The following ACSL1 variants were observed in gnomAD, a reference collection of about 807,000 sequenced individuals.
ACSL1 encodes the protein long-chain-fatty-acid--CoA ligase 1.
ACSL1 carries 41 observed loss-of-function variants against 98.4 expected under a neutral mutation model. That is an observed-to-expected ratio of 0.42 (90% CI 0.32 to 0.54). The LOEUF (loss-of-function observed/expected upper bound fraction) is 0.54. Among genes scored for constraint, ACSL1 ranks in the 20% least tolerant of loss-of-function variants. The pLI is 0.13. For missense variants in ACSL1, 734 were observed against 883.1 expected, an observed-to-expected ratio of 0.83 and a Z score of 2.14; for synonymous variants, 316 against 322.7, an observed-to-expected ratio of 0.98 and a Z score of 0.22.
chr4:184,807,892 T>C (rs1561240450), intron 1 of ACSL1, among the ~76,000 whole-genome samples: 1 of 152,186 alleles, frequency 6.6e-6, no homozygotes, highest in Non-Finnish European at 1.5e-5. Flanking sequence ...TTCTTAACTA[T>C]GCTAAGCCAC....
In ACSL1 at chr4:184,776,479, C is replaced by T; in HGVS notation, c.756+5G>A. On this transcript the variant is annotated splice_donor_5th_base_variant and intron_variant, in intron 7 of 20. Transcript: ENST00000281455. ...TCAGAGAAGGGAAGGAGGCAGGGCA[C>T]TCACCTCCATCGCCTTCATGCTGGT... is the stretch of plus-strand genomic sequence containing the variant. The T allele has an allele frequency of 6.2e-7, 1 of 1,610,176 alleles. No homozygotes were observed. Among genetic ancestry groups the T allele is most frequent in the Non-Finnish European group, 8.5e-7 (1 of 1,178,308 alleles).
chr4:184,768,388 C>T lies in ACSL1; in HGVS notation c.1056G>A (p.Met352Ile), dbSNP rs1763955197. 1.2e-6 allele frequency: 2 copies of T among 1,613,940 alleles called. No individual in the cohort carries two copies. The highest frequency in any genetic ancestry group is 2.7e-5 in the African/African-American group (2 of 75,024). ...TGGGTTGAAGCACCTTGAGGTCATC[C>T]ATGAGCAGCCTGATATCTCCTTGGA... ...GFFQGDIRLLMDDLKVLQPTV... is the reference protein window; with the variant it reads ...GFFQGDIRLLIDDLKVLQPTV... The change falls in exon 12 of 21, where the codon ATG becomes ATA. Residue 352 changes from methionine to isoleucine, a missense_variant. Met to Ile is a conservative substitution (Grantham distance 10). Coordinates refer to ENST00000281455, the MANE Select transcript of ACSL1 (RefSeq NM_001995.5).
intron 2 of ACSL1, among the ~76,000 whole-genome samples, chr4:184,792,277 G>C (rs554734341): frequency 6.6e-6 from 1 of 152,240 alleles, no homozygotes; most frequent in African/African-American, 2.4e-5. Context: ...CTAATTGAAG[G>C]CTCGATGATA....
At chr4:184,795,256 G>A (rs182087605) in intron 2 of ACSL1, among the ~76,000 whole-genome samples, 1 of 152,274 alleles carries the variant, frequency 6.6e-6, no homozygotes, top group Non-Finnish European at 1.5e-5. Flanking sequence ...CACAGCCTAC[G>A]CTGGTCATTT....
chr4:184,803,478 G>T lies in ACSL1; in HGVS notation c.37C>A (p.Pro13Thr). ...AHELFRYFRM[P>T]ELVDFRQYVR... is the part of the protein sequence containing the mutation. Reference sequence around the variant, plus strand: ...TACTGTCGGAAGTCAACCAGCTCTGGCATTCGAAAATACCGGAACAGCTCA... The same window carrying T: ...TACTGTCGGAAGTCAACCAGCTCTGTCATTCGAAAATACCGGAACAGCTCA... The change falls in exon 2 of 21, where the codon CCA becomes ACA. Residue 13 changes from proline (P) to threonine (T), a missense_variant. Coordinates refer to ENST00000281455, the MANE Select transcript of ACSL1 (RefSeq NM_001995.5). This position sits in a 1 kb window ranked among gnomAD's most constrained non-coding sequence, Gnocchi z 4.8. The T allele has an allele frequency of 6.2e-7, 1 of 1,607,810 alleles. No homozygotes were observed. Among genetic ancestry groups the T allele is most frequent in the Non-Finnish European group, 8.5e-7 (1 of 1,176,550 alleles).
chr4:184,820,548 C>T (rs947512668), intron 1 of ACSL1, among the ~76,000 whole-genome samples: 1 of 152,060 alleles, frequency 6.6e-6, no homozygotes, highest in African/African-American at 2.4e-5. Context: ...GCAGTGACAC[C>T]GAAGGAGACC....
chr4:184,757,632 T>C lies in ACSL1; in HGVS notation c.1956+3A>G. 6.2e-7 allele frequency: 1 copy of C among 1,613,020 alleles called. No homozygotes were observed. On this transcript the variant is annotated splice_donor_region_variant and intron_variant, in intron 20 of 20. Coordinates refer to ENST00000281455, the MANE Select transcript of ACSL1 (RefSeq NM_001995.5). The surrounding 1 kb of genome is among the most constrained non-coding windows in gnomAD (Gnocchi z 4.5). ...AATTCACCCACTCAGATGAAGGTCA[T>C]ACCTGTTCAAATGGTTTCAGACCAG...
At chr4:184,800,484 T>C (rs994711291) in intron 2 of ACSL1, among the ~76,000 whole-genome samples, 5 of 152,214 alleles carry the variant, frequency 3.3e-5, no homozygotes, top group Non-Finnish European at 7.3e-5. Flanking sequence ...CTAAAACATG[T>C]AGCCAGGCTA....
intron 4 of ACSL1, among the ~76,000 whole-genome samples, chr4:184,780,901 C>T (rs981291264): frequency 3.3e-5 from 5 of 152,030 alleles, no homozygotes; most frequent in Admixed American, 2.0e-4. Context: ...TTCTTGAGAA[C>T]GTATTCTTAG....
chr4:184,800,378 G>T (rs180790935), intron 2 of ACSL1, among the ~76,000 whole-genome samples: 1 of 152,144 alleles, frequency 6.6e-6, no homozygotes, highest in Non-Finnish European at 1.5e-5. Flanking sequence ...GCAACCACGT[G>T]TGTCTGGGCT....
chr4:184,768,582 G>A, intron 11 of ACSL1, 132 bp from the exon 12 acceptor site: 1 of 1,326,610 alleles, frequency 7.5e-7, no homozygotes. Context: ...CTAAATATAG[G>A]TAACTTAAAA....
At chr4:184,816,952 C>T (rs1772690543) in intron 1 of ACSL1, among the ~76,000 whole-genome samples, 1 of 152,092 alleles carries the variant, frequency 6.6e-6, no homozygotes, top group Non-Finnish European at 1.5e-5. Flanking sequence ...AAGAAAAACG[C>T]CCATATATTC....
At chr4:184,773,000 C>T in intron 10 of ACSL1, 81 bp downstream of exon 10, 1 of 1,380,350 alleles carries the variant, frequency 7.2e-7, no homozygotes, top group Non-Finnish European at 1.0e-6. Context: ...ACCTAACACA[C>T]TGGTGCCCAC....
intron 4 of ACSL1, among the ~76,000 whole-genome samples, chr4:184,780,640 C>T (rs928151268): frequency 6.6e-6 from 1 of 152,198 alleles, no homozygotes; most frequent in African/African-American, 2.4e-5. Context: ...GAACTGACCG[C>T]AGGGTTCCTT....
At position 184,757,382 on chromosome 4, in the gene ACSL1, C is replaced by T; in HGVS notation, c.1957-117G>A. On this transcript the variant is annotated intron_variant, in intron 20 of 20. Coordinates refer to ENST00000281455, the MANE Select transcript of ACSL1 (RefSeq NM_001995.5). The surrounding 1 kb of genome is among the most constrained non-coding windows in gnomAD (Gnocchi z 4.5). ...AGCCATCCAATCCATCCTCTCATTTCAGCCAAGCTGCACCTTCTCAACAAA... is the reference window on the plus strand; with the variant it reads ...AGCCATCCAATCCATCCTCTCATTTTAGCCAAGCTGCACCTTCTCAACAAA... The T allele has an allele frequency of 1.5e-6, 2 of 1,328,970 alleles. No homozygotes were observed. Among genetic ancestry groups the T allele is most frequent in the Non-Finnish European group, 2.0e-6 (2 of 983,302 alleles). 82.3% of individuals were successfully genotyped at this position (1,328,970 alleles called of 1,614,324 possible).
chr4:184,802,827 G>C (rs1352214911), intron 2 of ACSL1, among the ~76,000 whole-genome samples: 1 of 152,144 alleles, frequency 6.6e-6, no homozygotes, highest in Admixed American at 6.5e-5. Context: ...TTCTGCAGCC[G>C]TGTTCTTCCG....
At position 184,756,060 on chromosome 4, in the gene ACSL1, T is replaced by C. The variant is rs752141252; in HGVS notation, c.*1065A>G. 12 of 152,276 alleles carry C rather than the reference T, an allele frequency of 7.9e-5. No individual in the cohort carries two copies. Among genetic ancestry groups the C allele is most frequent in the African/African-American group, 2.9e-4 (12 of 41,444 alleles). The allele number at this position is 152,276 out of a possible 1,614,324, so 9.4% of individuals were successfully genotyped here. A position where few individuals can be genotyped will look rare whatever the true frequency, so the allele number is the denominator to read the frequency against. On this transcript the variant is annotated 3_prime_UTR_variant, in exon 21 of 21. Transcript: ENST00000281455. ...GAAATCAGGTAGCATTATAAGAACA[T>C]TTGCTTATTACTGTCCATTTCAATA...
At chr4:184,799,719 C>T (rs60983898) in intron 2 of ACSL1, among the ~76,000 whole-genome samples, 1 of 152,068 alleles carries the variant, frequency 6.6e-6, no homozygotes, top group Non-Finnish European at 1.5e-5. Flanking sequence ...CATGGTGGTG[C>T]ATGCCTATAG....
intron 2 of ACSL1, among the ~76,000 whole-genome samples, chr4:184,799,750 G>C (rs1337247022): frequency 6.6e-6 from 1 of 152,124 alleles, no homozygotes; most frequent in Non-Finnish European, 1.5e-5. Flanking sequence ...TCTGGAGTTA[G>C]AGGTGAGAGA....
Sources: allele counts gnomAD v4.1 joint callset (sites outside exome capture counted in the v4.1 genomes callset), GRCh38; gene constraint gnomAD v4.1.1; non-coding constraint Gnocchi (gnomAD v3.1); transcripts MANE v1.5; gene names NCBI Gene and HGNC (gene_info 2026-07-23, HGNC 2026-07-21).